Variants in RORB observed in about 807,000 individuals in gnomAD.
The protein encoded by RORB is RAR related orphan receptor B.
A neutral mutation model predicts 59.1 loss-of-function variants in RORB; 6 were observed. The observed-to-expected ratio is 0.10, with a 90% CI of 0.06 to 0.20. The LOEUF (loss-of-function observed/expected upper bound fraction) is 0.20, where lower values mean the gene tolerates loss of function less well. Among genes scored for constraint, RORB ranks in the 10% least tolerant of loss-of-function variants. RORB has a pLI of 1.00. For missense variants in RORB, 320 were observed against 560.5 expected (o/e 0.57, Z 4.33); for synonymous variants, 215 against 204.5 (o/e 1.05, Z -0.44).
chr9:74,613,388 A>G (rs1458414326), intron 1 of RORB, among the ~76,000 whole-genome samples: 5 of 152,202 alleles, frequency 3.3e-5, no homozygotes, highest in Admixed American at 3.3e-4. Flanking sequence ...CAAATACCTA[A>G]GTGCTTATGA....
rs1034933630 is a variant in RORB, at chr9:74,687,105, T to C, written c.*1487T>C. 2.6e-5 allele frequency: 4 copies of C among 152,144 alleles called. No individual in the cohort carries two copies. Among genetic ancestry groups the C allele is most frequent in the Non-Finnish European group, 4.4e-5 (3 of 68,010 alleles). The allele number at this position is 152,144 out of a possible 1,614,324, so 9.4% of individuals were successfully genotyped here. ...AATGAAATTAATCATAAGAAAAGCA[T>C]ATATTCCAAGAAATTTGTTCTGCCT... On this transcript the variant is annotated 3_prime_UTR_variant, in exon 10 of 10. Coordinates refer to ENST00000376896, the MANE Select transcript of RORB (RefSeq NM_006914.4).
At chr9:74,544,383 T>G (rs910403041) in intron 1 of RORB, among the ~76,000 whole-genome samples, 2 of 152,188 alleles carry the variant, frequency 1.3e-5, no homozygotes, top group Non-Finnish European at 2.9e-5. Context: ...ATACTGTAAA[T>G]GGTTAAAGCC....
intron 3 of RORB, among the ~76,000 whole-genome samples, chr9:74,634,988 G>A (rs1396053874): frequency 6.6e-6 from 1 of 152,200 alleles, no homozygotes; most frequent in Non-Finnish European, 1.5e-5. Context: ...CCATAGCTCA[G>A]GGAGCAACTT....
intron 1 of RORB, among the ~76,000 whole-genome samples, chr9:74,588,250 G>T (rs1453947917): frequency 6.6e-6 from 1 of 152,006 alleles, no homozygotes; most frequent in African/African-American, 2.4e-5. Context: ...CAATTTCCTC[G>T]CCTGGAAATT....
chr9:74,517,382 C>T (rs913599007), intron 1 of RORB, among the ~76,000 whole-genome samples: 6 of 151,964 alleles, frequency 3.9e-5, no homozygotes, highest in Non-Finnish European at 7.4e-5. Flanking sequence ...GGTCCAACAT[C>T]TTGTGGTCTA....
chr9:74,521,905 A>G (rs1046344415), intron 1 of RORB, among the ~76,000 whole-genome samples: 6 of 151,778 alleles, frequency 4.0e-5, no homozygotes, highest in Admixed American at 3.3e-4. Flanking sequence ...GTGAAGCAAC[A>G]TTGCTGCAGT....
intron 1 of RORB, among the ~76,000 whole-genome samples, chr9:74,598,966 A>G (rs1341810684): frequency 1.3e-5 from 2 of 152,198 alleles, no homozygotes; most frequent in African/African-American, 4.8e-5. Flanking sequence ...CCTTTCCCTC[A>G]TGAATACTCT....
At chr9:74,682,664 C>G (rs1339336706) in intron 9 of RORB, among the ~76,000 whole-genome samples, 1 of 152,182 alleles carries the variant, frequency 6.6e-6, no homozygotes. Context: ...CCTTTCCTCT[C>G]TAGATGTGAG....
chr9:74,634,786 T>G lies in RORB; in HGVS notation c.235+14T>G. 6.2e-7 allele frequency: 1 copy of G among 1,605,884 alleles called. No homozygotes were observed. The highest frequency in any genetic ancestry group is 8.5e-7 in the Non-Finnish European group (1 of 1,176,354). Reference sequence around the variant, plus strand: ...TGTCAAGAGATGGTAAGACATTACCTTCCTGTTTCTTACTTAAGCCCTTTC... The same window carrying G: ...TGTCAAGAGATGGTAAGACATTACCGTCCTGTTTCTTACTTAAGCCCTTTC... On this transcript the variant is annotated intron_variant, in intron 3 of 9. Coordinates refer to ENST00000376896, the MANE Select transcript of RORB (RefSeq NM_006914.4).
intron 1 of RORB, 124 bp from the exon 2 acceptor site, chr9:74,630,158 C>T: frequency 7.7e-7 from 1 of 1,299,184 alleles, no homozygotes; most frequent in Non-Finnish European, 1.0e-6. Context: ...TCCCACACCA[C>T]CGCTCACACC....
chr9:74,506,642 G>T (rs1348015883), intron 1 of RORB, among the ~76,000 whole-genome samples: 1 of 152,026 alleles, frequency 6.6e-6, no homozygotes. Context: ...AACAGACTCT[G>T]AGCTGGGATA....
Position 74,560,974 on chromosome 9 carries a change from A to G in RORB, c.7+62991A>G, listed in dbSNP as rs891396318. Among the ~76,000 whole-genome samples the G allele has an allele frequency of 2.6e-5, 4 of 152,254 alleles. No homozygotes were observed. The East Asian group carries it at 5.8e-4, about 22-fold the overall frequency. The stretch of plus-strand genomic sequence containing the variant: ...GTATGAGACTGTAGTCTTAGCTTTC[A>G]TTCTATAGTGTGGGTAAGAAGCAGT... On this transcript the variant is annotated intron_variant, in intron 1 of 9. Coordinates refer to ENST00000376896, the MANE Select transcript of RORB (RefSeq NM_006914.4).
Position 74,497,992 on chromosome 9 carries a change from G to C in RORB, c.7+9G>C. The C allele has an allele frequency of 6.2e-7, 1 of 1,610,484 alleles. No homozygotes were observed. Among genetic ancestry groups the C allele is most frequent in the Non-Finnish European group, 8.5e-7 (1 of 1,179,546 alleles). ...CGGCCACACCATGCGAGGTAAGCGA[G>C]TCTGCGGGCACCGAGGCTCCCCGAG... On this transcript the variant is annotated intron_variant, in intron 1 of 9. Transcript: ENST00000376896.
At chr9:74,574,234 A>G (rs1401730695) in intron 1 of RORB, among the ~76,000 whole-genome samples, 1 of 152,144 alleles carries the variant, frequency 6.6e-6, no homozygotes, top group African/African-American at 2.4e-5. Flanking sequence ...TAGCAAACAG[A>G]TCCAGCCCTG....
intron 1 of RORB, among the ~76,000 whole-genome samples, chr9:74,609,525 A>C (rs1437731102): frequency 4.6e-5 from 7 of 152,222 alleles, no homozygotes; most frequent in Non-Finnish European, 5.9e-5. Context: ...GAATTTTTTC[A>C]GTGATTTGGA....
Position 74,550,324 on chromosome 9 carries a change from C to A in RORB, c.7+52341C>A, listed in dbSNP as rs557332904. Among the ~76,000 whole-genome samples, 9 of 152,270 alleles carry A rather than the reference C, an allele frequency of 5.9e-5. No individual in the cohort carries two copies. In the East Asian group the frequency reaches 1.5e-3, roughly 26 times the overall value. On this transcript the variant is annotated intron_variant, in intron 1 of 9. Coordinates refer to ENST00000376896, the MANE Select transcript of RORB (RefSeq NM_006914.4). ...AAAACTCACTCTTTTGGGAAAGACACACTTTTTCAGCCCTAAATGACTGTA... is the reference window on the plus strand; with the variant it reads ...AAAACTCACTCTTTTGGGAAAGACAAACTTTTTCAGCCCTAAATGACTGTA...
intron 1 of RORB, among the ~76,000 whole-genome samples, chr9:74,593,608 T>C (rs1259671454): frequency 6.6e-6 from 1 of 152,214 alleles, no homozygotes; most frequent in Non-Finnish European, 1.5e-5. Context: ...TATTTTTCCA[T>C]TTTATTCTAC....
At position 74,610,325 on chromosome 9, in the gene RORB, G is replaced by A. The variant is rs943583077; in HGVS notation, c.8-19957G>A. Reference sequence around the variant, plus strand: ...CCAAGTGATTTTAACATGCAGCCAAGTTTTGAGAAACATGTAGAGAAAAAT... The same window carrying A: ...CCAAGTGATTTTAACATGCAGCCAAATTTTGAGAAACATGTAGAGAAAAAT... On this transcript the variant is annotated intron_variant, in intron 1 of 9. Transcript: ENST00000376896. Among the ~76,000 whole-genome samples, 7 of 152,174 alleles carry A rather than the reference G, an allele frequency of 4.6e-5. 1 individual carries two copies. Among genetic ancestry groups the A allele is most frequent in the African/African-American group, 7.2e-5 (3 of 41,460 alleles).
At chr9:74,603,595 A>G (rs531858744) in intron 1 of RORB, among the ~76,000 whole-genome samples, 9 of 152,376 alleles carry the variant, frequency 5.9e-5, no homozygotes, top group African/African-American at 1.9e-4. Context: ...CTCAGGTCTT[A>G]TAATACACAA....
Sources: allele counts gnomAD v4.1 joint callset (sites outside exome capture counted in the v4.1 genomes callset), GRCh38; gene constraint gnomAD v4.1.1; transcripts MANE v1.5; gene names NCBI Gene and HGNC (gene_info 2026-07-23, HGNC 2026-07-21).